The following LRRC7 variants were observed in gnomAD, a reference collection of about 807,000 sequenced individuals.
LRRC7 encodes leucine-rich repeat-containing protein 7.
In LRRC7, 23 loss-of-function variants were observed where a neutral mutation model predicts 175.7. That is an observed-to-expected ratio of 0.13 (90% CI 0.09 to 0.19). The LOEUF is 0.19. Among genes scored for constraint, LRRC7 ranks in the 10% least tolerant of loss-of-function variants. LRRC7 has a pLI of 1.00. For synonymous variants in LRRC7, 685 were observed against 680.9 expected, an observed-to-expected ratio of 1.01 and a Z score of -0.09; for missense variants, 1,354 against 1,904.7, an observed-to-expected ratio of 0.71 and a Z score of 5.38.
At chr1:69,776,328 A>G (rs1191591393) in intron 3 of LRRC7, among the ~76,000 whole-genome samples, 1 of 152,210 alleles carries the variant, frequency 6.6e-6, no homozygotes, top group East Asian at 1.9e-4. Context: ...ATGAGCTACA[A>G]TACAGTAAAG....
At position 69,834,932 on chromosome 1, in the gene LRRC7, C is replaced by G. The variant is rs941113569; in HGVS notation, c.590+63C>G. On this transcript the variant is annotated intron_variant, in intron 6 of 26. Coordinates refer to ENST00000651989, the MANE Select transcript of LRRC7 (RefSeq NM_001370785.2). ...ACCTTAGGTAAGTGCTTTACCAGTG[C>G]CAGTTGATGAGACTTCAAAAGTGTC... The G allele has an allele frequency of 2.4e-6, 3 of 1,256,812 alleles. No homozygotes were observed. In the Admixed American group the frequency reaches 5.2e-5, roughly 22 times the overall value. 77.9% of individuals were successfully genotyped at this position (1,256,812 alleles called of 1,614,324 possible).
At chr1:69,904,619 T>C (rs945393062) in intron 7 of LRRC7, among the ~76,000 whole-genome samples, 2 of 152,228 alleles carry the variant, frequency 1.3e-5, no homozygotes, top group Non-Finnish European at 2.9e-5. Flanking sequence ...ATTTTCTATT[T>C]CTTTTTAACT....
chr1:70,030,888 A>C (rs1571090330), intron 18 of LRRC7, among the ~76,000 whole-genome samples: 1 of 152,238 alleles, frequency 6.6e-6, no homozygotes, highest in Admixed American at 6.5e-5. Flanking sequence ...GACAAAGAAC[A>C]GGGCTGGCGG....
At position 70,141,557 on chromosome 1, in the gene LRRC7, T is replaced by C. The variant is rs1667062387; in HGVS notation, c.*19670T>C. ...ATTTGAATGTGCTTTAAAAAAAAAA[T>C]CAATGAATTCAGGGGAATGAAAATA... is the stretch of plus-strand genomic sequence containing the variant. On this transcript the variant is annotated 3_prime_UTR_variant, in exon 27 of 27. Transcript: ENST00000651989. 1 of 151,870 alleles carries C rather than the reference T, an allele frequency of 6.6e-6. No individual in the cohort carries two copies. Among genetic ancestry groups the C allele is most frequent in the Admixed American group, 6.6e-5 (1 of 15,232 alleles). The allele number at this position is 151,870 out of a possible 1,614,324, so 9.4% of individuals were successfully genotyped here.
At chr1:70,064,721 T>C (rs1208552557) in intron 23 of LRRC7, among the ~76,000 whole-genome samples, 1 of 151,800 alleles carries the variant, frequency 6.6e-6, no homozygotes, top group African/African-American at 2.4e-5. Flanking sequence ...TTTTAAAGAA[T>C]TTTTTAGTCC....
At chr1:69,657,103 T>TTA (rs147059813) in intron 1 of LRRC7, among the ~76,000 whole-genome samples, 5 of 151,740 alleles carry the variant, frequency 3.3e-5, no homozygotes, top group African/African-American at 9.7e-5. Flanking sequence ...AATTAGATAC[T>TTA]TATATTGTGT....
chr1:69,959,652 G>A (rs1650844240), intron 8 of LRRC7, among the ~76,000 whole-genome samples: 1 of 152,086 alleles, frequency 6.6e-6, no homozygotes, highest in Admixed American at 6.6e-5. Flanking sequence ...GGAAGGAACT[G>A]GAGCCACAGA....
At chr1:69,691,961 A>G (rs1008558996) in intron 2 of LRRC7, among the ~76,000 whole-genome samples, 4 of 152,192 alleles carry the variant, frequency 2.6e-5, no homozygotes, top group African/African-American at 9.7e-5. Context: ...GATATCAGAC[A>G]TTATTTTTAA....
intron 7 of LRRC7, among the ~76,000 whole-genome samples, chr1:69,848,752 A>C (rs1682649060): frequency 6.6e-6 from 1 of 152,076 alleles, no homozygotes; most frequent in Non-Finnish European, 1.5e-5. Context: ...GCAAGGGGGA[A>C]TATTTCTAAA....
intron 4 of LRRC7, among the ~76,000 whole-genome samples, chr1:69,795,007 T>A (rs1326014472): frequency 6.6e-6 from 1 of 152,134 alleles, no homozygotes; most frequent in Non-Finnish European, 1.5e-5. Context: ...GCTTGATGAG[T>A]ATAATGATAG....
intron 1 of LRRC7, among the ~76,000 whole-genome samples, chr1:69,589,193 A>G (rs1409386451): frequency 6.7e-6 from 1 of 148,504 alleles, no homozygotes; most frequent in Non-Finnish European, 1.5e-5. Flanking sequence ...ATGCTGTGGG[A>G]GGGGTACTTA....
At chr1:69,960,436 C>T (rs1039182131) in intron 8 of LRRC7, among the ~76,000 whole-genome samples, 4 of 152,040 alleles carry the variant, frequency 2.6e-5, no homozygotes, top group African/African-American at 9.7e-5. Flanking sequence ...AAAGCTAGCT[C>T]CTGGATTCGT....
intron 1 of LRRC7, among the ~76,000 whole-genome samples, chr1:69,581,538 C>A (rs1445403116): frequency 6.6e-6 from 1 of 152,090 alleles, no homozygotes; most frequent in Non-Finnish European, 1.5e-5. Context: ...GGAGAGGGAA[C>A]TAATTTATCC....
chr1:69,759,811 TCTA>T (rs2100934642), intron 2 of LRRC7, among the ~76,000 whole-genome samples: 1 of 152,156 alleles, frequency 6.6e-6, no homozygotes, highest in South Asian at 2.1e-4. Context: ...AAGTTTCTGT[TCTA>T]CACTGTAATT....
chr1:69,710,019 T>A (rs1664550779), intron 2 of LRRC7, among the ~76,000 whole-genome samples: 1 of 152,066 alleles, frequency 6.6e-6, no homozygotes, highest in South Asian at 2.1e-4. Context: ...GTCTTACACC[T>A]GTAATCTTAG....
intron 11 of LRRC7, among the ~76,000 whole-genome samples, chr1:69,998,265 C>T (rs993245890): frequency 6.6e-6 from 1 of 152,072 alleles, no homozygotes; most frequent in Admixed American, 6.6e-5. Flanking sequence ...TGTCTGTTAC[C>T]TCTCCCCCAG....
At chr1:69,587,364 T>G (rs1223835228) in intron 1 of LRRC7, among the ~76,000 whole-genome samples, 1 of 152,200 alleles carries the variant, frequency 6.6e-6, no homozygotes, top group Admixed American at 6.5e-5. Context: ...CAGTGGGCCC[T>G]GAGTGGACCT....
intron 2 of LRRC7, among the ~76,000 whole-genome samples, chr1:69,737,285 G>A (rs771955832): frequency 8.6e-5 from 13 of 151,978 alleles, no homozygotes; most frequent in Admixed American, 2.0e-4. Flanking sequence ...TGCTGTTCTC[G>A]TGATAGTAAG....
intron 1 of LRRC7, among the ~76,000 whole-genome samples, chr1:69,577,473 G>T (rs1010256637): frequency 2.0e-5 from 3 of 152,154 alleles, no homozygotes; most frequent in African/African-American, 7.2e-5. Flanking sequence ...GTCCTGAATG[G>T]TATTGCCTAG....
Sources: allele counts gnomAD v4.1 joint callset (sites outside exome capture counted in the v4.1 genomes callset), GRCh38; gene constraint gnomAD v4.1.1; transcripts MANE v1.5; gene names NCBI Gene and HGNC (gene_info 2026-07-23, HGNC 2026-07-21).